Variants in DDX60 observed in about 807,000 individuals in gnomAD.
DDX60 encodes DExD/H-box helicase 60, also known as probable ATP-dependent RNA helicase DDX60.
A neutral mutation model predicts 212.8 loss-of-function variants in DDX60; 165 were observed. That is an observed-to-expected ratio of 0.78 (90% CI 0.68 to 0.88). DDX60 has a LOEUF of 0.88. DDX60 is among the 40% of genes least tolerant of loss of function. The pLI, the probability that DDX60 is intolerant of heterozygous loss-of-function variation, is 0.00. For synonymous variants in DDX60, 703 were observed against 685.3 expected, an observed-to-expected ratio of 1.03 and a Z score of -0.40; for missense variants, 1,905 against 2,003.9, an observed-to-expected ratio of 0.95 and a Z score of 0.94.
rs1323116219 is a variant in DDX60, at chr4:168,274,102, C to A, written c.2305-19G>T. The stretch of plus-strand genomic sequence containing the variant: ...GCTCTCGCTGCAGGGTGCAGAGTAC[C>A]ATTCATGTCAAGAAACTGAACCGTA... On this transcript the variant is annotated intron_variant, in intron 16 of 37. Coordinates refer to ENST00000393743, the MANE Select transcript of DDX60 (RefSeq NM_017631.6). 6.2e-7 allele frequency: 1 copy of A among 1,612,968 alleles called. No homozygotes were observed. Among genetic ancestry groups the A allele is most frequent in the East Asian group, 2.2e-5 (1 of 44,870 alleles).
Position 168,311,012 on chromosome 4 carries a change from T to C in DDX60, c.60A>G (p.Glu20=), listed in dbSNP as rs779744823. 10 of 1,570,134 alleles carry C rather than the reference T, an allele frequency of 6.4e-6. No homozygotes were observed. The highest frequency in any genetic ancestry group is 1.7e-5 in the Admixed American group (1 of 59,200). The change falls in exon 3 of 38, where the codon GAA becomes GAG. Residue 20 remains glutamate (E), a synonymous_variant. Transcript: ENST00000393743. ...ATAATACTCACTCAGCTTTTGGCAT[T>C]TCATTCAAAATTAACTGGGACATTT... The part of the protein sequence containing the change: ...SQEMSQLILN[E]MPKAEYSSLF...
chr4:168,219,927 T>C (rs1462055100), intron 37 of DDX60, among the ~76,000 whole-genome samples: 1 of 151,672 alleles, frequency 6.6e-6, no homozygotes, highest in East Asian at 1.9e-4. Context: ...TCCCAGCTAC[T>C]CAGGAGATTG....
Position 168,229,737 on chromosome 4 carries a change from T to G in DDX60, c.4534-4061A>C, listed in dbSNP as rs145481759. Among the ~76,000 whole-genome samples the G allele has an allele frequency of 2.7e-3, 411 of 152,006 alleles. 2 individuals carry two copies. The highest frequency in any genetic ancestry group is 8.7e-3 in the African/African-American group (362 of 41,472). On this transcript the variant is annotated intron_variant, in intron 33 of 37. Coordinates refer to ENST00000393743, the MANE Select transcript of DDX60 (RefSeq NM_017631.6). ...AGCTCTAACTCTTGAAACAAATCCC[T>G]GAAAGACACCAAAATAGAACCTCCT...
chr4:168,319,404 T>C (rs1274480767), upstream of DDX60, among the ~76,000 whole-genome samples: 4 of 152,172 alleles, frequency 2.6e-5, no homozygotes, highest in African/African-American at 9.7e-5. Context: ...AAATTGGAGA[T>C]CTTGCTGCTT....
chr4:168,263,934 G>A (rs1734731252), intron 22 of DDX60, among the ~76,000 whole-genome samples: 1 of 152,120 alleles, frequency 6.6e-6, no homozygotes. Flanking sequence ...ATTTCTCACT[G>A]GAAATGTTAA....
intron 30 of DDX60, 73 bp downstream of exon 30, chr4:168,246,340 CTTCTA>C: frequency 6.4e-7 from 1 of 1,553,030 alleles, no homozygotes; most frequent in East Asian, 2.3e-5. Context: ...TTGCTACAGA[CTTCTA>C]AAAGAACAGC....
intron 14 of DDX60, among the ~76,000 whole-genome samples, chr4:168,279,841 A>G (rs1463850085): frequency 6.6e-6 from 1 of 152,270 alleles, no homozygotes; most frequent in Admixed American, 6.5e-5. Context: ...GTTTCAAATT[A>G]CATGGATATT....
chr4:168,288,385 C>T (rs568294332), intron 8 of DDX60, 70 bp from the exon 9 acceptor site: 47 of 1,109,722 alleles, frequency 4.2e-5, no homozygotes, highest in South Asian at 3.0e-4. Context: ...GGTTCATATG[C>T]TTCTGAACTG....
intron 13 of DDX60, among the ~76,000 whole-genome samples, chr4:168,281,637 T>C (rs955294598): frequency 5.9e-5 from 9 of 152,236 alleles, no homozygotes; most frequent in Non-Finnish European, 1.3e-4. Flanking sequence ...ACTTTTACTA[T>C]GCTTTTACCA....
At chr4:168,242,272 T>C (rs1029094402) in intron 30 of DDX60, among the ~76,000 whole-genome samples, 7 of 152,180 alleles carry the variant, frequency 4.6e-5, no homozygotes, top group Non-Finnish European at 1.0e-4. Flanking sequence ...ACAGAGTCCC[T>C]CCTGGGGCAC....
chr4:168,261,042 T>G, intron 24 of DDX60, 53 bp from the exon 25 acceptor site: 1 of 1,549,954 alleles, frequency 6.5e-7, no homozygotes, highest in Non-Finnish European at 8.7e-7. Context: ...AAGAAAGAAA[T>G]TACTACTTTT....
At chr4:168,228,835 G>C (rs988329694) in intron 33 of DDX60, among the ~76,000 whole-genome samples, 1 of 151,946 alleles carries the variant, frequency 6.6e-6, no homozygotes, top group Non-Finnish European at 1.5e-5. Flanking sequence ...CTGCAGACTT[G>C]ATAGCAATGA....
At chr4:168,270,776 TC>T (rs749473969) in intron 19 of DDX60, among the ~76,000 whole-genome samples, 5 of 152,166 alleles carry the variant, frequency 3.3e-5, no homozygotes, top group Non-Finnish European at 7.3e-5. Context: ...GTTAAACTTT[TC>T]CCCTTTGAAT....
intron 2 of DDX60, 38 bp from the exon 3 acceptor site, chr4:168,311,105 T>C (rs1217098640): frequency 2.1e-6 from 3 of 1,447,184 alleles, no homozygotes; most frequent in Non-Finnish European, 1.9e-6. Context: ...GAATGGGTTA[T>C]TTTTCAATTG....
rs1367059564 is a variant in DDX60 at position 168,236,269 on chromosome 4, C to T, written c.4516G>A (p.Glu1506Lys). The T allele has an allele frequency of 3.1e-6, 5 of 1,610,146 alleles. No individual in the cohort carries two copies. The South Asian group carries it at 3.3e-5, about 11-fold the overall frequency. Reference protein sequence around the residue: ...FPPKFQDAHFEFYQSKVFLDD... With the variant: ...FPPKFQDAHFKFYQSKVFLDD... ...CAGTTTACCTTTGATTGATAAAACT[C>T]GAAGTGTGCATCTTGGAACTTTGGT... The change falls in exon 33 of 38, where the codon GAG becomes AAG. Residue 1506 changes from glutamate (E) to lysine (K), a missense_variant. Coordinates refer to ENST00000393743, the MANE Select transcript of DDX60 (RefSeq NM_017631.6).
At chr4:168,294,368 C>T (rs553293892) in intron 6 of DDX60, among the ~76,000 whole-genome samples, 6 of 152,180 alleles carry the variant, frequency 3.9e-5, no homozygotes, top group South Asian at 2.1e-4. Context: ...ATTTTGGATA[C>T]GGCCACAAAA....
intron 29 of DDX60, 34 bp downstream of exon 29, chr4:168,248,154 A>G: frequency 6.9e-7 from 1 of 1,440,778 alleles, no homozygotes; most frequent in Non-Finnish European, 9.6e-7. Context: ...ATATTTCAGC[A>G]ATACAATAAG....
intron 17 of DDX60, among the ~76,000 whole-genome samples, chr4:168,273,671 G>GA (rs977246942): frequency 2.3e-4 from 35 of 151,820 alleles, no homozygotes; most frequent in African/African-American, 7.5e-4. Flanking sequence ...CTATATATCA[G>GA]AAAAAAAATT....
chr4:168,308,276 T>C (rs1736978779), intron 3 of DDX60, 81 bp from the exon 4 acceptor site: 1 of 792,394 alleles, frequency 1.3e-6, no homozygotes, highest in Non-Finnish European at 1.9e-6. Context: ...ATTAGCTCAT[T>C]ATCATTATCA....
Sources: allele counts gnomAD v4.1 joint callset (sites outside exome capture counted in the v4.1 genomes callset), GRCh38; gene constraint gnomAD v4.1.1; transcripts MANE v1.5; gene names NCBI Gene and HGNC (gene_info 2026-07-23, HGNC 2026-07-21).